Variants in ANTXR1 observed in about 807,000 individuals in gnomAD.
The protein encoded by ANTXR1 is anthrax toxin receptor 1.
A neutral mutation model predicts 78.1 loss-of-function variants in ANTXR1; 19 were observed. The ratio of observed to expected loss-of-function variants is 0.24; its 90% CI spans 0.17 to 0.36. The LOEUF is 0.36. Among genes scored for constraint, ANTXR1 ranks in the 10% least tolerant of loss-of-function variants. The pLI, the probability that ANTXR1 is intolerant of heterozygous loss-of-function variation, is 1.00. For synonymous variants in ANTXR1, 273 were observed against 260.5 expected (o/e 1.05, Z -0.46); for missense variants, 518 against 718.6 (o/e 0.72, Z 3.19).
chr2:69,200,052 A>C (rs1021235821), intron 17 of ANTXR1, among the ~76,000 whole-genome samples: 1 of 152,160 alleles, frequency 6.6e-6, no homozygotes, highest in Non-Finnish European at 1.5e-5. Context: ...TCAATCATCT[A>C]CCAACCAGCC....
intron 17 of ANTXR1, among the ~76,000 whole-genome samples, chr2:69,230,659 G>A (rs1250055110): frequency 6.6e-6 from 1 of 152,204 alleles, no homozygotes; most frequent in Non-Finnish European, 1.5e-5. Flanking sequence ...CTGGCAGCGT[G>A]AGAGAAGGTG....
chr2:69,103,293 C>CT, intron 10 of ANTXR1: 3 of 370,134 alleles, frequency 8.1e-6, no homozygotes, highest in Non-Finnish European at 1.6e-5. Context: ...GTGGCTCACT[C>CT]TCAGGTGGGA....
intron 17 of ANTXR1, among the ~76,000 whole-genome samples, chr2:69,224,269 C>T (rs946403048): frequency 2.6e-5 from 4 of 152,166 alleles, no homozygotes; most frequent in African/African-American, 9.7e-5. Context: ...AGACTCAAAC[C>T]AGAAGTAATG....
chr2:69,070,139 T>G (rs1670524133), intron 3 of ANTXR1, among the ~76,000 whole-genome samples: 1 of 152,210 alleles, frequency 6.6e-6, no homozygotes, highest in African/African-American at 2.4e-5. Flanking sequence ...CACTCTTGGC[T>G]GTCCTGGAAA....
intron 1 of ANTXR1, among the ~76,000 whole-genome samples, chr2:69,037,348 GGGATGC>G (rs1212937382): frequency 2.0e-5 from 3 of 152,208 alleles, no homozygotes; most frequent in Non-Finnish European, 4.4e-5. Flanking sequence ...CCAGTATCAG[GGGATGC>G]TGACAGAGAG....
At position 69,062,696 on chromosome 2, in the gene ANTXR1, G is replaced by A. The variant is rs35871119; in HGVS notation, c.297-7951G>A. 0.016 allele frequency among the ~76,000 whole-genome samples: 2,440 copies of A among 152,110 alleles called. 104 individuals are homozygous for A. The East Asian group carries it at 0.17, about 11-fold the overall frequency. On this transcript the variant is annotated intron_variant, in intron 3 of 17. Coordinates refer to ENST00000303714, the MANE Select transcript of ANTXR1 (RefSeq NM_032208.3). Reference sequence around the variant, plus strand: ...GAAATGTAAACTGTTATGAAAAATGGGAAGAAGCAGAGGAATATTACTCAC... The same window carrying A: ...GAAATGTAAACTGTTATGAAAAATGAGAAGAAGCAGAGGAATATTACTCAC...
chr2:69,214,426 G>T (rs1675127556), intron 17 of ANTXR1, among the ~76,000 whole-genome samples: 1 of 152,178 alleles, frequency 6.6e-6, no homozygotes, highest in East Asian at 1.9e-4. Flanking sequence ...CCCTGTAACT[G>T]TTCAGTGTAT....
At chr2:69,163,513 T>G (rs1229132159) in intron 13 of ANTXR1, among the ~76,000 whole-genome samples, 1 of 152,176 alleles carries the variant, frequency 6.6e-6, no homozygotes, top group East Asian at 1.9e-4. Context: ...TCATTTGGGT[T>G]TCTTTATGCC....
At position 69,230,104 on chromosome 2, in the gene ANTXR1, C is replaced by CAGCACTCTGGCCA. The variant is rs879389187; in HGVS notation, c.1435-15121_1435-15120insAGCACTCTGGCCA. ...AAAGGTTTGAATTCTCAGAGCCAGT[C>CAGCACTCTGGCCA]CCTGTTTAGTGACAGCACTTTGGCC... On this transcript the variant is annotated intron_variant, in intron 17 of 17. Transcript: ENST00000303714. Among the ~76,000 whole-genome samples the CAGCACTCTGGCCA allele has an allele frequency of 2.8e-3, 430 of 152,256 alleles. 8 individuals carry two copies. The East Asian group carries it at 0.036, about 13-fold the overall frequency.
In ANTXR1 at chr2:69,246,646, A is replaced by G. The variant is rs1574003198; in HGVS notation, c.*1161A>G. ...TTTCGACATAGAACCTCAGCTGTTA[A>G]CCAAGGGGAAATACATCAGATCTGC... On this transcript the variant is annotated 3_prime_UTR_variant, in exon 18 of 18. Transcript: ENST00000303714. 6.6e-6 allele frequency: 1 copy of G among 152,306 alleles called. No homozygotes were observed. Among genetic ancestry groups the G allele is most frequent in the East Asian group, 1.9e-4 (1 of 5,188 alleles). 9.4% of individuals were successfully genotyped at this position (152,306 alleles called of 1,614,324 possible). A position where few individuals can be genotyped will look rare whatever the true frequency, so the allele number is the denominator to read the frequency against.
Position 69,017,333 on chromosome 2 carries a change from G to A in ANTXR1, c.152+3682G>A, listed in dbSNP as rs73934643. ...AAAATGCTGACTCATTTTTTCCTTG[G>A]GCTTCTTAGATCCTTTCGCTGGCAA... On this transcript the variant is annotated intron_variant, in intron 1 of 17. Coordinates refer to ENST00000303714, the MANE Select transcript of ANTXR1 (RefSeq NM_032208.3). Among the ~76,000 whole-genome samples, 532 of 152,164 alleles carry A rather than the reference G, an allele frequency of 3.5e-3. 4 individuals are homozygous for A. The highest frequency in any genetic ancestry group is 0.012 in the African/African-American group (510 of 41,516).
At chr2:69,243,565 G>T (rs1031918723) in intron 17 of ANTXR1, among the ~76,000 whole-genome samples, 1 of 152,168 alleles carries the variant, frequency 6.6e-6, no homozygotes, top group African/African-American at 2.4e-5. Context: ...CATGTGGCTT[G>T]TCCCTTCTGT....
chr2:69,135,897 C>T lies in ANTXR1; in HGVS notation c.951+11254C>T, dbSNP rs1672896253. 2.0e-5 allele frequency among the ~76,000 whole-genome samples: 3 copies of T among 152,042 alleles called. No individual in the cohort carries two copies. In the South Asian group the frequency reaches 6.2e-4, roughly 31 times the overall value. The stretch of plus-strand genomic sequence containing the variant: ...ATCTAGTGGACACATGATAAAGCCT[C>T]AGCGTAACATTCAAAATAGGGTCCA... On this transcript the variant is annotated intron_variant, in intron 12 of 17. Coordinates refer to ENST00000303714, the MANE Select transcript of ANTXR1 (RefSeq NM_032208.3).
At chr2:69,137,282 A>C (rs1244517642) in intron 12 of ANTXR1, among the ~76,000 whole-genome samples, 1 of 152,066 alleles carries the variant, frequency 6.6e-6, no homozygotes, top group African/African-American at 2.4e-5. Context: ...CTGCACTTCT[A>C]ATTTGACAGT....
chr2:69,245,556 G>T lies in ANTXR1; in HGVS notation c.*71G>T. On this transcript the variant is annotated 3_prime_UTR_variant, in exon 18 of 18. Transcript: ENST00000303714. ...GTTAGAACAAGTCTTTCCAGTTAGAGAAGAGGAGTGGTGATAAAGCCCACT... is the reference window on the plus strand; with the variant it reads ...GTTAGAACAAGTCTTTCCAGTTAGATAAGAGGAGTGGTGATAAAGCCCACT... 6.3e-7 allele frequency: 1 copy of T among 1,590,776 alleles called. No homozygotes were observed.
chr2:69,078,449 G>A (rs1440589292), intron 8 of ANTXR1, among the ~76,000 whole-genome samples: 2 of 152,184 alleles, frequency 1.3e-5, no homozygotes, highest in East Asian at 3.9e-4. Flanking sequence ...TACCGGCCAA[G>A]GGCTCAGCAT....
At chr2:69,081,456 G>T (rs903282095) in intron 8 of ANTXR1, among the ~76,000 whole-genome samples, 5 of 152,192 alleles carry the variant, frequency 3.3e-5, no homozygotes, top group African/African-American at 1.2e-4. Context: ...TTATGTGTCA[G>T]ATTTTTTCAA....
intron 17 of ANTXR1, 48 bp downstream of exon 17, chr2:69,193,463 A>AC: frequency 1.8e-6 from 2 of 1,125,694 alleles, no homozygotes; most frequent in Admixed American, 1.9e-5. Flanking sequence ...TCTCTCTCAC[A>AC]TACACACACA....
intron 8 of ANTXR1, among the ~76,000 whole-genome samples, chr2:69,088,070 A>T (rs1470588896): frequency 6.6e-6 from 1 of 152,220 alleles, no homozygotes; most frequent in African/African-American, 2.4e-5. Context: ...GGATTGAATC[A>T]CAGTGCTTGG....
Sources: gnomAD v4.1 joint callset for allele counts (sites outside exome capture counted in the v4.1 genomes callset) on GRCh38, gnomAD v4.1.1 for gene constraint, MANE v1.5 for transcripts, NCBI Gene and HGNC (gene_info 2026-07-23, HGNC 2026-07-21) for gene names.